OPCML: variants seen among roughly 807,000 people sequenced by gnomAD.
The protein encoded by OPCML is opioid binding protein/cell adhesion molecule like, also known as opioid-binding protein/cell adhesion molecule.
OPCML carries 13 observed loss-of-function variants against 37.8 expected under a neutral mutation model. The ratio of observed to expected loss-of-function variants is 0.34; its 90% CI spans 0.22 to 0.55. The LOEUF (loss-of-function observed/expected upper bound fraction) is 0.55. Ranked by LOEUF, OPCML falls within the 20% of genes least tolerant of loss-of-function variation. OPCML has a pLI of 0.91. For synonymous variants in OPCML, 176 were observed against 168.8 expected, an observed-to-expected ratio of 1.04 and a Z score of -0.33; for missense variants, 341 against 435.6, an observed-to-expected ratio of 0.78 and a Z score of 1.93.
intron 1 of OPCML, among the ~76,000 whole-genome samples, chr11:133,232,525 A>G (rs1278704478): frequency 6.6e-6 from 1 of 152,148 alleles, no homozygotes; most frequent in East Asian, 1.9e-4. Context: ...AAGAGAATGT[A>G]AGGTTATAAA....
chr11:133,373,615 G>C (rs1204851685), intron 1 of OPCML, among the ~76,000 whole-genome samples: 1 of 149,622 alleles, frequency 6.7e-6, no homozygotes, highest in Admixed American at 6.7e-5. Flanking sequence ...GCAAAGACAG[G>C]CCCTGTCTCA....
At chr11:133,044,174 CT>C (rs2136952254) in intron 1 of OPCML, among the ~76,000 whole-genome samples, 1 of 152,248 alleles carries the variant, frequency 6.6e-6, no homozygotes, top group African/African-American at 2.4e-5. Context: ...TGTGCATGTG[CT>C]TGCATGTGTG....
chr11:132,801,976 A>G (rs1031967479), intron 2 of OPCML, among the ~76,000 whole-genome samples: 6 of 152,038 alleles, frequency 3.9e-5, no homozygotes, highest in African/African-American at 9.7e-5. Context: ...TTTCTCTCCC[A>G]CCAGAATTGT....
At chr11:133,185,546 A>G (rs1346637957) in intron 1 of OPCML, among the ~76,000 whole-genome samples, 1 of 152,226 alleles carries the variant, frequency 6.6e-6, no homozygotes, top group East Asian at 1.9e-4. Flanking sequence ...AACTTAGAGA[A>G]CACTTGAGCA....
At position 132,415,552 on chromosome 11, in the gene OPCML, G is replaced by T. The variant is rs1408587469; in HGVS notation, c.*4641C>A. The T allele has an allele frequency of 2.6e-5, 4 of 152,120 alleles. No individual in the cohort carries two copies. The highest frequency in any genetic ancestry group is 2.1e-4 in the South Asian group (1 of 4,822). 9.4% of individuals were successfully genotyped at this position (152,120 alleles called of 1,614,324 possible). On this transcript the variant is annotated 3_prime_UTR_variant, in exon 8 of 8. Coordinates refer to ENST00000524381, the MANE Select transcript of OPCML (RefSeq NM_001012393.5). ...ATGTAGCCTCAAAAGGATGGTCGAG[G>T]GTTCGCAATCTTTCTTTCTCCACCC...
chr11:132,615,985 A>G (rs1045153623), intron 3 of OPCML, among the ~76,000 whole-genome samples: 2 of 152,246 alleles, frequency 1.3e-5, no homozygotes, highest in African/African-American at 2.4e-5. Context: ...TCTAGGCTAC[A>G]CTTGAAGAAG....
chr11:133,406,118 CTAT>C (rs1319035174), intron 1 of OPCML, among the ~76,000 whole-genome samples: 2 of 152,020 alleles, frequency 1.3e-5, no homozygotes, highest in Non-Finnish European at 2.9e-5. Context: ...AATAAACATA[CTAT>C]TATTATGATT....
chr11:133,509,675 C>G (rs1359721867), intron 1 of OPCML, among the ~76,000 whole-genome samples: 3 of 152,150 alleles, frequency 2.0e-5, no homozygotes, highest in Non-Finnish European at 4.4e-5. Flanking sequence ...ACACTAAGTT[C>G]CAGAGAGGTT....
chr11:132,937,587 GTGTGTGGGGTGTGT>G (rs1945426727), intron 2 of OPCML, among the ~76,000 whole-genome samples: 2 of 90,444 alleles, frequency 2.2e-5, no homozygotes, highest in Admixed American at 2.4e-4. Flanking sequence ...TGTGTGTGGC[GTGTGTGGGGTGTGT>G]GTGTGTGTGT....
At chr11:133,196,030 C>G (rs936039906) in intron 1 of OPCML, among the ~76,000 whole-genome samples, 21 of 152,110 alleles carry the variant, frequency 1.4e-4, no homozygotes, top group Admixed American at 6.5e-4. Flanking sequence ...TTGTTAAATT[C>G]CTTTGCAAGA....
At chr11:132,872,118 T>C (rs1415675222) in intron 2 of OPCML, among the ~76,000 whole-genome samples, 1 of 152,236 alleles carries the variant, frequency 6.6e-6, no homozygotes, top group East Asian at 1.9e-4. Flanking sequence ...TCAGTGTGTT[T>C]GCCTTTTATC....
rs924754666 is a variant in OPCML at position 133,314,101 on chromosome 11, G to A, written c.61+218163C>T. Among the ~76,000 whole-genome samples the A allele has an allele frequency of 5.9e-3, 698 of 117,936 alleles. 8 individuals carry two copies. Among genetic ancestry groups the A allele is most frequent in the African/African-American group, 0.018 (668 of 36,962 alleles). The allele number at this position is 117,936 out of a possible 152,430, so 77.4% of individuals were successfully genotyped here. A position where few individuals can be genotyped will look rare whatever the true frequency, so the allele number is the denominator to read the frequency against. On this transcript the variant is annotated intron_variant, in intron 1 of 7. Coordinates refer to ENST00000524381, the MANE Select transcript of OPCML (RefSeq NM_001012393.5). ...ATACAAAAAATTAGCCGGGCGTAGT[G>A]GCGGGCGCCTGTAGTCCCAGCTACT... is the stretch of plus-strand genomic sequence containing the variant.
At chr11:133,255,069 C>T (rs919265503) in intron 1 of OPCML, among the ~76,000 whole-genome samples, 1 of 152,174 alleles carries the variant, frequency 6.6e-6, no homozygotes, top group Admixed American at 6.5e-5. Context: ...CTAATACCCA[C>T]TAATTAGGAT....
chr11:132,992,758 T>C (rs1946805726), intron 1 of OPCML, among the ~76,000 whole-genome samples: 1 of 152,196 alleles, frequency 6.6e-6, no homozygotes. Flanking sequence ...AATTTTCCCT[T>C]TGGGGTTCTA....
intron 1 of OPCML, among the ~76,000 whole-genome samples, chr11:133,305,626 T>C (rs1258391266): frequency 1.3e-5 from 2 of 152,232 alleles, no homozygotes; most frequent in African/African-American, 2.4e-5. Flanking sequence ...TATTTCCTGA[T>C]GTATAGATTT....
At chr11:132,444,902 G>C (rs2096049466) in intron 4 of OPCML, among the ~76,000 whole-genome samples, 1 of 152,194 alleles carries the variant, frequency 6.6e-6, no homozygotes. Flanking sequence ...TTAATGAAAA[G>C]TGTGATAAAC....
At chr11:132,541,449 G>C (rs948375145) in intron 3 of OPCML, among the ~76,000 whole-genome samples, 1 of 151,958 alleles carries the variant, frequency 6.6e-6, no homozygotes, top group Non-Finnish European at 1.5e-5. Context: ...GAATATAAAA[G>C]GGTTTTTGTC....
chr11:133,380,410 C>A (rs985274629), intron 1 of OPCML, among the ~76,000 whole-genome samples: 3 of 152,254 alleles, frequency 2.0e-5, no homozygotes, highest in Admixed American at 6.5e-5. Flanking sequence ...ACTAAGCATG[C>A]TCTTTTGTCT....
chr11:133,235,507 C>T (rs931347093), intron 1 of OPCML, among the ~76,000 whole-genome samples: 37 of 152,132 alleles, frequency 2.4e-4, no homozygotes, highest in African/African-American at 7.7e-4. Context: ...CAAACATATT[C>T]AACTCAAACA....
Sources: allele counts gnomAD v4.1 joint callset (sites outside exome capture counted in the v4.1 genomes callset), GRCh38; gene constraint gnomAD v4.1.1; transcripts MANE v1.5; gene names NCBI Gene and HGNC (gene_info 2026-07-23, HGNC 2026-07-21).